Variants in MACROD2 observed in about 807,000 individuals in gnomAD.
MACROD2 encodes the protein ADP-ribose glycohydrolase MACROD2.
MACROD2 carries 36 observed loss-of-function variants against 70.4 expected under a neutral mutation model. The observed-to-expected ratio is 0.51, with a 90% CI of 0.39 to 0.68. The LOEUF (loss-of-function observed/expected upper bound fraction) is 0.68, where lower values mean the gene tolerates loss of function less well. Among genes scored for constraint, MACROD2 ranks in the 30% least tolerant of loss-of-function variants. MACROD2 has a pLI of 0.00. For missense variants in MACROD2, 496 were observed against 538.4 expected (o/e 0.92, Z 0.78); for synonymous variants, 172 against 178.8 (o/e 0.96, Z 0.30).
chr20:15,747,635 G>A (rs2146974317), intron 8 of MACROD2, among the ~76,000 whole-genome samples: 1 of 152,104 alleles, frequency 6.6e-6, no homozygotes, highest in East Asian at 1.9e-4. Context: ...ATGGACTTTT[G>A]TATATTAAAT....
intron 3 of MACROD2, among the ~76,000 whole-genome samples, chr20:14,374,029 A>G (rs1363505279): frequency 6.6e-6 from 1 of 152,128 alleles, no homozygotes; most frequent in African/African-American, 2.4e-5. Flanking sequence ...TTAAAATGGT[A>G]ATCTTTGCAT....
chr20:14,195,863 C>A (rs113447199), intron 3 of MACROD2, among the ~76,000 whole-genome samples: 80 of 152,240 alleles, frequency 5.3e-4, no homozygotes, highest in African/African-American at 1.7e-3. Flanking sequence ...TTCTTCAAGC[C>A]CAGGTGTGAT....
chr20:15,873,968 G>T (rs2064624880), intron 9 of MACROD2, among the ~76,000 whole-genome samples: 1 of 151,988 alleles, frequency 6.6e-6, no homozygotes, highest in Non-Finnish European at 1.5e-5. Context: ...ACAATGTGCA[G>T]GTTTGTTACA....
chr20:14,805,827 G>C (rs1401963308), intron 5 of MACROD2, among the ~76,000 whole-genome samples: 1 of 152,000 alleles, frequency 6.6e-6, no homozygotes, highest in Non-Finnish European at 1.5e-5. Flanking sequence ...ACCCTAGCAA[G>C]TGTTTGCTAC....
chr20:15,289,685 A>T lies in MACROD2; in HGVS notation c.540+59624A>T, dbSNP rs537028160. ...TTCTGTGAGATTGGTGATATTGATC[A>T]GATGAATAATATATATCAAATGTGT... On this transcript the variant is annotated intron_variant, in intron 6 of 17. Transcript: ENST00000684519. Among the ~76,000 whole-genome samples the T allele has an allele frequency of 9.2e-5, 14 of 152,342 alleles. No individual in the cohort carries two copies. In the South Asian group the frequency reaches 2.7e-3, roughly 29 times the overall value.
chr20:15,803,644 T>C (rs1302416136), intron 8 of MACROD2, among the ~76,000 whole-genome samples: 1 of 152,184 alleles, frequency 6.6e-6, no homozygotes, highest in African/African-American at 2.4e-5. Context: ...TGCTATTGTC[T>C]CTACTGTTCT....
At chr20:15,073,465 CAACACACACA>C (rs1476606466) in intron 5 of MACROD2, among the ~76,000 whole-genome samples, 2 of 86,086 alleles carry the variant, frequency 2.3e-5, no homozygotes, top group Non-Finnish European at 2.2e-5. Flanking sequence ...GTAATTCTCC[CAACACACACA>C]CACACACACA....
chr20:14,250,164 GA>G (rs11477674), intron 3 of MACROD2, among the ~76,000 whole-genome samples: 120,491 of 150,472 alleles, frequency 0.8, 48,442 homozygotes, highest in Non-Finnish European at 0.83. Context: ...GCTTCATTCT[GA>G]AAAAAAAAAA....
At chr20:14,094,285 T>C (rs918247083) in intron 3 of MACROD2, among the ~76,000 whole-genome samples, 3 of 152,202 alleles carry the variant, frequency 2.0e-5, no homozygotes, top group East Asian at 3.9e-4. Context: ...TGCAGTTTGA[T>C]TTGGAGTAAC....
chr20:15,206,717 CTA>C (rs2076706575), intron 5 of MACROD2, among the ~76,000 whole-genome samples: 1 of 72,458 alleles, frequency 1.4e-5, no homozygotes, highest in Admixed American at 1.5e-4. Flanking sequence ...TTCATATTAT[CTA>C]TGTTTTTTTT....
intron 5 of MACROD2, among the ~76,000 whole-genome samples, chr20:14,809,238 C>T (rs1850181558): frequency 6.6e-6 from 1 of 152,106 alleles, no homozygotes. Flanking sequence ...AACAGTTTCT[C>T]AGACCACAGT....
chr20:16,036,931 C>G (rs1231309972), intron 15 of MACROD2, among the ~76,000 whole-genome samples: 1 of 151,990 alleles, frequency 6.6e-6, no homozygotes, highest in Non-Finnish European at 1.5e-5. Flanking sequence ...AATGAACAAT[C>G]TCTACCAAAC....
rs116050084 is a variant in MACROD2 at position 14,174,076 on chromosome 20, T to C, written c.271+88348T>C. Among the ~76,000 whole-genome samples, 750 of 152,192 alleles carry C rather than the reference T, an allele frequency of 4.9e-3. 9 individuals carry two copies. Among genetic ancestry groups the C allele is most frequent in the African/African-American group, 0.017 (710 of 41,526 alleles). On this transcript the variant is annotated intron_variant, in intron 3 of 17. Transcript: ENST00000684519. Reference sequence around the variant, plus strand: ...GGTCCTTGGTTGTGTTTTTGTGAAGTGTACTGGTTTTGTGTTGGTTTGCCT... The same window carrying C: ...GGTCCTTGGTTGTGTTTTTGTGAAGCGTACTGGTTTTGTGTTGGTTTGCCT...
chr20:14,860,928 A>C (rs1177349535), intron 5 of MACROD2, among the ~76,000 whole-genome samples: 1 of 151,804 alleles, frequency 6.6e-6, no homozygotes, highest in Non-Finnish European at 1.5e-5. Flanking sequence ...GATGGTCTCC[A>C]TCTCTAACTA....
chr20:14,906,563 G>T (rs2073961945), intron 5 of MACROD2, among the ~76,000 whole-genome samples: 1 of 152,124 alleles, frequency 6.6e-6, no homozygotes, highest in Non-Finnish European at 1.5e-5. Context: ...CTTCCTAATA[G>T]CTTGCTTCTC....
At chr20:15,097,659 A>T (rs1392792127) in intron 5 of MACROD2, among the ~76,000 whole-genome samples, 3 of 152,230 alleles carry the variant, frequency 2.0e-5, no homozygotes, top group African/African-American at 7.2e-5. Flanking sequence ...GGAGAAAAAA[A>T]TGAACAAGTA....
intron 8 of MACROD2, among the ~76,000 whole-genome samples, chr20:15,507,411 C>CTT (rs2047440738): frequency 6.8e-6 from 1 of 147,894 alleles, no homozygotes; most frequent in Admixed American, 6.9e-5. Flanking sequence ...TTCTTTCTTT[C>CTT]TCTCTCTCCT....
chr20:14,384,694 A>G (rs1221877228), intron 3 of MACROD2, among the ~76,000 whole-genome samples: 1 of 152,166 alleles, frequency 6.6e-6, no homozygotes, highest in Non-Finnish European at 1.5e-5. Context: ...TAAATCATGA[A>G]GCTACAAGCC....
chr20:15,545,432 T>A (rs1208884195), intron 8 of MACROD2, among the ~76,000 whole-genome samples: 1 of 152,182 alleles, frequency 6.6e-6, no homozygotes, highest in Non-Finnish European at 1.5e-5. Flanking sequence ...TTTCTGTCAC[T>A]CAAAATAAGC....
Sources: allele counts gnomAD v4.1 joint callset (sites outside exome capture counted in the v4.1 genomes callset), GRCh38; gene constraint gnomAD v4.1.1; transcripts MANE v1.5; gene names NCBI Gene and HGNC (gene_info 2026-07-23, HGNC 2026-07-21).